The following ATP11C variants were observed in gnomAD, a reference collection of about 807,000 sequenced individuals.
ATP11C encodes ATPase phospholipid transporting 11C (ATP11C blood group).
ATP11C carries 36 observed loss-of-function variants against 97.4 expected under a neutral mutation model. That is an observed-to-expected ratio of 0.37 (90% confidence interval 0.28 to 0.49). The LOEUF (loss-of-function observed/expected upper bound fraction) is 0.49, where lower values mean the gene tolerates loss of function less well. ATP11C is among the 20% of genes least tolerant of loss of function. The probability of loss-of-function intolerance (pLI) is 0.98; values close to 1 mark genes in which losing one functional copy is unlikely to be tolerated. For synonymous variants in ATP11C, 275 were observed against 290.9 expected, an observed-to-expected ratio of 0.95 and a Z score of 0.56; for missense variants, 730 against 824.6, an observed-to-expected ratio of 0.89 and a Z score of 1.40.
At chrX:139,826,936 T>C in intron 1 of ATP11C, 113 bp from the exon 2 acceptor site, 1 of 778,508 alleles carries the variant, frequency 1.3e-6, no homozygotes, top group African/African-American at 2.1e-5. Flanking sequence ...GAGAAAGTAG[T>C]AGGGAGAGGA....
intron 1 of ATP11C, among the ~76,000 whole-genome samples, chrX:139,883,146 A>G (rs141536878): frequency 9.0e-6 from 1 of 111,438 alleles, no homozygotes; most frequent in African/African-American, 3.3e-5. Flanking sequence ...TGAAGGATGA[A>G]ATCATATTTT....
chrX:139,844,156 A>G (rs911191759), intron 1 of ATP11C, among the ~76,000 whole-genome samples: 1 of 112,180 alleles, frequency 8.9e-6, no homozygotes, highest in African/African-American at 3.2e-5. Context: ...ACTAGATAAC[A>G]CTTCTTAATT....
chrX:139,833,566 T>C (rs1337697400), intron 1 of ATP11C, among the ~76,000 whole-genome samples: 2 of 110,356 alleles, frequency 1.8e-5, no homozygotes, highest in Non-Finnish European at 3.8e-5. Context: ...GGCACACACC[T>C]GTAGTCCTAC....
chrX:139,797,325 A>G lies in ATP11C; in HGVS notation c.859T>C (p.Ser287Pro). 1 of 1,150,775 alleles carries G rather than the reference A, an allele frequency of 8.7e-7. No homozygotes were observed. The highest frequency in any genetic ancestry group is 1.2e-6 in the Non-Finnish European group (1 of 855,867). The allele number at this position is 1,150,775 out of a possible 1,213,427, so 94.8% of individuals were successfully genotyped here. The change falls in exon 11 of 30, where the codon TCT becomes CCT. Residue 287 changes from serine to proline, a missense_variant and splice_region_variant. Physicochemically the swap from Ser to Pro is moderately conservative, Grantham distance 74 (BLOSUM62 -1). Coordinates refer to ENST00000682941, the MANE Select transcript of ATP11C (RefSeq NM_001353812.2). Reference sequence around the variant, plus strand: ...TATACAATCAGGAAAGCATTAATAGATCTGAAAAATAAGATAGCATGGATT... The same window carrying G: ...TATACAATCAGGAAAGCATTAATAGGTCTGAAAAATAAGATAGCATGGATT... The part of the protein sequence containing the change: ...KSQKRSAVEK[S>P]INAFLIVYLF...
chrX:139,753,756 C>T (rs1261446192), intron 23 of ATP11C, among the ~76,000 whole-genome samples: 2 of 110,392 alleles, frequency 1.8e-5, no homozygotes, highest in Non-Finnish European at 3.8e-5. Flanking sequence ...TGGCAGTGAG[C>T]CGAAATCACG....
rs1187017228 is a variant in ATP11C, at chrX:139,796,924, A to G, written c.1008+252T>C. ...TAGATGCCTAAAGTAAAAGAAAAAA[A>G]ACTCTTTTTTTCTTTTCTTTTTCTT... On this transcript the variant is annotated intron_variant, in intron 11 of 29. Coordinates refer to ENST00000682941, the MANE Select transcript of ATP11C (RefSeq NM_001353812.2). Among the ~76,000 whole-genome samples the G allele has an allele frequency of 4.5e-5, 5 of 110,828 alleles. No homozygotes were observed. In the East Asian group the frequency reaches 1.4e-3, roughly 31 times the overall value.
chrX:139,852,187 C>T (rs1258503155), intron 1 of ATP11C, among the ~76,000 whole-genome samples: 1 of 110,089 alleles, frequency 9.1e-6, no homozygotes, highest in African/African-American at 3.3e-5. Flanking sequence ...GGTGCACTCA[C>T]CATTGTTCCA....
intron 1 of ATP11C, among the ~76,000 whole-genome samples, chrX:139,916,460 A>G (rs1291094393): frequency 1.8e-5 from 2 of 111,490 alleles, no homozygotes; most frequent in African/African-American, 6.5e-5. Flanking sequence ...TATAGAGGAA[A>G]TCTAGACACT....
intron 20 of ATP11C, among the ~76,000 whole-genome samples, chrX:139,764,678 G>A (rs1211361546): frequency 8.9e-6 from 1 of 112,500 alleles, no homozygotes; most frequent in African/African-American, 3.2e-5. Context: ...AATAATTCAT[G>A]AGGCTAAGGC....
At chrX:139,903,596 G>A (rs970708211) in intron 1 of ATP11C, among the ~76,000 whole-genome samples, 2 of 106,499 alleles carry the variant, frequency 1.9e-5, no homozygotes, top group Non-Finnish European at 3.9e-5. Context: ...ATAATAAACC[G>A]GTAAGCATTA....
intron 1 of ATP11C, among the ~76,000 whole-genome samples, chrX:139,886,828 G>A (rs966688744): frequency 3.6e-5 from 4 of 109,793 alleles, no homozygotes; most frequent in Non-Finnish European, 5.7e-5. Context: ...ATAAAATCCC[G>A]TTTCTTTTTC....
At chrX:139,755,205 G>A (rs2081907430) in intron 23 of ATP11C, among the ~76,000 whole-genome samples, 2 of 111,517 alleles carry the variant, frequency 1.8e-5, no homozygotes, top group Non-Finnish European at 3.8e-5. Context: ...CAAGCTGAGA[G>A]CCAAATCAGT....
intron 10 of ATP11C, among the ~76,000 whole-genome samples, chrX:139,797,577 A>C (rs1038560710): frequency 9.0e-6 from 1 of 111,585 alleles, no homozygotes; most frequent in Non-Finnish European, 1.9e-5. Flanking sequence ...CACCTTATTA[A>C]GGTTCCTGTA....
At chrX:139,773,291 T>G (rs2082289732) in intron 19 of ATP11C, among the ~76,000 whole-genome samples, 1 of 111,263 alleles carries the variant, frequency 9.0e-6, no homozygotes, top group Non-Finnish European at 1.9e-5. Flanking sequence ...GGGTATGTCT[T>G]TATCAGCAGT....
At chrX:139,835,419 T>C (rs1261342894) in intron 1 of ATP11C, among the ~76,000 whole-genome samples, 4 of 110,503 alleles carry the variant, frequency 3.6e-5, no homozygotes, top group African/African-American at 1.3e-4. Context: ...CCAGATTTTC[T>C]TTGACACGGA....
rs368485065 is a variant in ATP11C at position 139,774,747 on chromosome X, A to G, written c.2159T>C (p.Ile720Thr). The change falls in exon 19 of 30, where the codon ATA (isoleucine) becomes ACA (threonine). Residue 720 changes from isoleucine to threonine, a missense_variant. Physicochemically the swap from Ile to Thr is moderately conservative, Grantham distance 89. Transcript: ENST00000682941. The stretch of plus-strand genomic sequence containing the variant: ...ATGCAGCAATTTCTTGCGATATTCT[A>G]TCAATAATTCATGTAATCGATCTTC... ...RKEDRLHELL[I>T]EYRKKLLHEF... 2.5e-6 allele frequency: 3 copies of G among 1,210,167 alleles called. No individual in the cohort carries two copies. The South Asian group carries it at 5.3e-5, about 21-fold the overall frequency.
At chrX:139,838,681 G>T (rs2083782772) in intron 1 of ATP11C, among the ~76,000 whole-genome samples, 1 of 112,634 alleles carries the variant, frequency 8.9e-6, no homozygotes, top group African/African-American at 3.2e-5. Flanking sequence ...TGGTGCAGTG[G>T]CTCATGCCTG....
At chrX:139,877,669 CA>C (rs1450938067) in intron 1 of ATP11C, among the ~76,000 whole-genome samples, 2 of 112,162 alleles carry the variant, frequency 1.8e-5, no homozygotes, top group African/African-American at 6.5e-5. Context: ...AGATGCTTTG[CA>C]AAAGTCCACT....
intron 22 of ATP11C, among the ~76,000 whole-genome samples, chrX:139,761,744 TAAG>T (rs760413767): frequency 2.3e-4 from 26 of 111,002 alleles, no homozygotes; most frequent in Admixed American, 6.7e-4. Context: ...TACATTTCAA[TAAG>T]GAGGGCTTAA....
Sources: gnomAD v4.1 joint callset for allele counts (sites outside exome capture counted in the v4.1 genomes callset) on GRCh38, gnomAD v4.1.1 for gene constraint, MANE v1.5 for transcripts, NCBI Gene and HGNC (gene_info 2026-07-23, HGNC 2026-07-21) for gene names.